ADAMTS9: variants seen among roughly 807,000 people sequenced by gnomAD.
ADAMTS9 encodes the protein A disintegrin and metalloproteinase with thrombospondin motifs 9.
A neutral mutation model predicts 257.1 loss-of-function variants in ADAMTS9; 107 were observed. The ratio of observed to expected loss-of-function variants is 0.42; its 90% CI spans 0.36 to 0.49. The LOEUF (loss-of-function observed/expected upper bound fraction) is 0.49, where lower values mean the gene tolerates loss of function less well. ADAMTS9 is among the 20% of genes least tolerant of loss of function. The pLI, the probability that ADAMTS9 is intolerant of heterozygous loss-of-function variation, is 0.03. For missense variants in ADAMTS9, 2,353 were observed against 2,469.1 expected, an observed-to-expected ratio of 0.95 and a Z score of 1.00; for synonymous variants, 982 against 880.9, an observed-to-expected ratio of 1.11 and a Z score of -2.03.
intron 38 of ADAMTS9, among the ~76,000 whole-genome samples, chr3:64,524,833 A>T (rs2082890775): frequency 3.3e-5 from 5 of 152,190 alleles, no homozygotes; most frequent in Admixed American, 3.3e-4. Context: ...TCTGTACTCA[A>T]CACATGCATT....
At chr3:64,523,837 T>C (rs1187572607) in intron 38 of ADAMTS9, among the ~76,000 whole-genome samples, 1 of 152,160 alleles carries the variant, frequency 6.6e-6, no homozygotes, top group Non-Finnish European at 1.5e-5. Context: ...AAGTTTTATT[T>C]TGATTTTTGA....
chr3:64,575,140 G>A (rs540372476), intron 28 of ADAMTS9, among the ~76,000 whole-genome samples: 11 of 152,228 alleles, frequency 7.2e-5, no homozygotes, highest in African/African-American at 2.6e-4. Context: ...TATTTCCATT[G>A]ATGGGTGAAT....
chr3:64,657,921 G>C (rs893992093), intron 4 of ADAMTS9, among the ~76,000 whole-genome samples: 1 of 152,076 alleles, frequency 6.6e-6, no homozygotes, highest in African/African-American at 2.4e-5. Flanking sequence ...AATGGGAGTA[G>C]AAAAATAGAA....
chr3:64,676,521 T>G (rs1055879974), intron 3 of ADAMTS9, among the ~76,000 whole-genome samples: 1 of 151,100 alleles, frequency 6.6e-6, no homozygotes, highest in African/African-American at 2.4e-5. Flanking sequence ...AGTTTATCAT[T>G]AAAAAAAAAT....
At chr3:64,575,954 C>G (rs958973586) in intron 28 of ADAMTS9, among the ~76,000 whole-genome samples, 1 of 152,174 alleles carries the variant, frequency 6.6e-6, no homozygotes, top group African/African-American at 2.4e-5. Context: ...CTAATGGAGT[C>G]TAACATTCTA....
At chr3:64,587,839 G>A (rs1392071245) in intron 28 of ADAMTS9, 4 of 152,164 alleles carry the variant, frequency 2.6e-5, no homozygotes, top group African/African-American at 4.8e-5. Flanking sequence ...AGAAGATGGT[G>A]TGGAGATCCG....
chr3:64,614,079 T>C (rs1215271670), intron 21 of ADAMTS9, among the ~76,000 whole-genome samples: 1 of 152,238 alleles, frequency 6.6e-6, no homozygotes, highest in East Asian at 1.9e-4. Flanking sequence ...AAAATCTCGC[T>C]ACCCAAGGAT....
chr3:64,539,639 C>T (rs2083095505), intron 36 of ADAMTS9, among the ~76,000 whole-genome samples: 1 of 152,158 alleles, frequency 6.6e-6, no homozygotes, highest in African/African-American at 2.4e-5. Flanking sequence ...GCGTAATTGG[C>T]TGGCTGAGAA....
rs745409602 is a variant in ADAMTS9, at chr3:64,516,111, C to T, written c.*1016G>A. On this transcript the variant is annotated 3_prime_UTR_variant, in exon 40 of 40. Transcript: ENST00000498707. Reference sequence around the variant, plus strand: ...CCGATGTTTTCATGCAAAAGGCAATCGTGATGATTCAGAACCTGGTTCTGA... The same window carrying T: ...CCGATGTTTTCATGCAAAAGGCAATTGTGATGATTCAGAACCTGGTTCTGA... 1 of 152,112 alleles carries T rather than the reference C, an allele frequency of 6.6e-6. No individual in the cohort carries two copies. The allele number at this position is 152,112 out of a possible 1,614,324, so 9.4% of individuals were successfully genotyped here. A position where few individuals can be genotyped will look rare whatever the true frequency, so the allele number is the denominator to read the frequency against.
intron 19 of ADAMTS9, among the ~76,000 whole-genome samples, chr3:64,619,645 A>G (rs1700056851): frequency 6.6e-6 from 1 of 152,194 alleles, no homozygotes; most frequent in Admixed American, 6.5e-5. Flanking sequence ...CAATCCTATT[A>G]GTAAAAGAAT....
chr3:64,630,925 A>T (rs1700353630), intron 16 of ADAMTS9, among the ~76,000 whole-genome samples: 1 of 152,220 alleles, frequency 6.6e-6, no homozygotes, highest in African/African-American at 2.4e-5. Context: ...AGAAGAGGAT[A>T]AAAAATCTGT....
intron 10 of ADAMTS9, 128 bp downstream of exon 10, chr3:64,649,509 A>C (rs1289274364): frequency 9.4e-7 from 1 of 1,063,714 alleles, no homozygotes; most frequent in Non-Finnish European, 1.3e-6. Flanking sequence ...TATGATCACT[A>C]ATATGCAATT....
At position 64,682,284 on chromosome 3, in the gene ADAMTS9, T is replaced by C. The variant is rs922396720; in HGVS notation, c.517-921A>G. Among the ~76,000 whole-genome samples, 6 of 152,188 alleles carry C rather than the reference T, an allele frequency of 3.9e-5. 1 individual carries two copies. The South Asian group carries it at 1.2e-3, about 32-fold the overall frequency. On this transcript the variant is annotated intron_variant, in intron 2 of 39. Coordinates refer to ENST00000498707, the MANE Select transcript of ADAMTS9 (RefSeq NM_182920.2). Reference sequence around the variant, plus strand: ...GCAGATTAAATAAGATAATGATAATTAAGTGCTTAGCAAAATGCCTGACAC... The same window carrying C: ...GCAGATTAAATAAGATAATGATAATCAAGTGCTTAGCAAAATGCCTGACAC...
Position 64,687,081 on chromosome 3 carries a change from A to G in ADAMTS9, c.116-113T>C, listed in dbSNP as rs1198702415. ...CTTATTTTCCAGCCCATTCGAGTCA[A>G]TCCCTTCACCCTTAATCAGTGGACA... On this transcript the variant is annotated intron_variant, in intron 1 of 39. Coordinates refer to ENST00000498707, the MANE Select transcript of ADAMTS9 (RefSeq NM_182920.2). The surrounding 1 kb of genome is among the most constrained non-coding windows in gnomAD (Gnocchi z 4.4). The G allele has an allele frequency of 3.1e-6, 4 of 1,282,496 alleles. No homozygotes were observed. The highest frequency in any genetic ancestry group is 2.4e-5 in the Admixed American group (1 of 42,300). The allele number at this position is 1,282,496 out of a possible 1,614,324, so 79.4% of individuals were successfully genotyped here.
intron 20 of ADAMTS9, 56 bp from the exon 21 acceptor site, chr3:64,615,541 T>G (rs940138210): frequency 9.2e-6 from 14 of 1,521,668 alleles, no homozygotes; most frequent in Non-Finnish European, 1.2e-5. Flanking sequence ...TAAAGTATGC[T>G]GAAGATCCTG....
At chr3:64,559,898 T>C (rs551748545) in intron 30 of ADAMTS9, among the ~76,000 whole-genome samples, 13 of 152,268 alleles carry the variant, frequency 8.5e-5, no homozygotes, top group African/African-American at 2.9e-4. Flanking sequence ...CAGGGTTGAG[T>C]TTAGCGTGAC....
At chr3:64,573,318 A>C (rs2083746250) in intron 28 of ADAMTS9, among the ~76,000 whole-genome samples, 1 of 152,152 alleles carries the variant, frequency 6.6e-6, no homozygotes, top group South Asian at 2.1e-4. Flanking sequence ...GTATACATGA[A>C]ATATGAAATG....
At chr3:64,626,766 C>T (rs1319936771) in intron 16 of ADAMTS9, among the ~76,000 whole-genome samples, 1 of 152,184 alleles carries the variant, frequency 6.6e-6, no homozygotes, top group Non-Finnish European at 1.5e-5. Flanking sequence ...ATCGATGATG[C>T]TGAAAGAATA....
At chr3:64,625,531 G>A (rs1700204332) in intron 16 of ADAMTS9, among the ~76,000 whole-genome samples, 1 of 152,174 alleles carries the variant, frequency 6.6e-6, no homozygotes, top group Non-Finnish European at 1.5e-5. Flanking sequence ...ACCTCACAGA[G>A]TTCATGCAAT....
Sources: gnomAD v4.1 joint callset for allele counts (sites outside exome capture counted in the v4.1 genomes callset) on GRCh38, gnomAD v4.1.1 for gene constraint, Gnocchi (gnomAD v3.1) non-coding constraint, MANE v1.5 for transcripts, NCBI Gene and HGNC (gene_info 2026-07-23, HGNC 2026-07-21) for gene names.